The following MCCC2 variants were observed in gnomAD, a reference collection of about 807,000 sequenced individuals.
The protein encoded by MCCC2 is methylcrotonoyl-CoA carboxylase beta chain, mitochondrial.
Under a neutral mutation model 77.2 loss-of-function variants are expected in MCCC2, and 52 were observed. That is an observed-to-expected ratio of 0.67 (90% confidence interval 0.54 to 0.85). The LOEUF (loss-of-function observed/expected upper bound fraction) is 0.85. Among genes scored for constraint, MCCC2 ranks in the 40% least tolerant of loss-of-function variants. The pLI is 0.00. For synonymous variants in MCCC2, 253 were observed against 248.4 expected (o/e 1.02, Z -0.18); for missense variants, 682 against 703.2 (o/e 0.97, Z 0.34).
At chr5:71,607,654 T>G (rs1229754234) in intron 6 of MCCC2, among the ~76,000 whole-genome samples, 1 of 146,996 alleles carries the variant, frequency 6.8e-6, no homozygotes, top group African/African-American at 2.5e-5. Flanking sequence ...TTCTAGTTCT[T>G]TTAATTGTGA....
At position 71,652,762 on chromosome 5, in the gene MCCC2, C is replaced by G. The variant is rs1482690189; in HGVS notation, c.1574+8C>G. On this transcript the variant is annotated splice_region_variant and intron_variant, in intron 16 of 16. Transcript: ENST00000340941. The stretch of plus-strand genomic sequence containing the variant: ...TTACTATTCCAGCGCAAGGTGGGGG[C>G]CAGAACATCACTAACTCTCTGATGG... The G allele has an allele frequency of 6.2e-7, 1 of 1,611,912 alleles. No individual in the cohort carries two copies. The highest frequency in any genetic ancestry group is 8.5e-7 in the Non-Finnish European group (1 of 1,178,194).
At chr5:71,620,210 G>A (rs1324244606) in intron 6 of MCCC2, among the ~76,000 whole-genome samples, 1 of 152,172 alleles carries the variant, frequency 6.6e-6, no homozygotes, top group Admixed American at 6.6e-5. Flanking sequence ...TGATCAGTCA[G>A]TATAGTTGAT....
intron 11 of MCCC2, 85 bp downstream of exon 11, chr5:71,641,160 T>A (rs1747112283): frequency 8.3e-7 from 1 of 1,207,426 alleles, no homozygotes; most frequent in Non-Finnish European, 1.2e-6. Flanking sequence ...TTGATACACT[T>A]GACATGGGCT....
intron 15 of MCCC2, among the ~76,000 whole-genome samples, chr5:71,650,519 G>A (rs1171436344): frequency 1.3e-5 from 2 of 151,878 alleles, no homozygotes; most frequent in Non-Finnish European, 2.9e-5. Context: ...GGCTGGAGTG[G>A]AGTGCCGCAA....
At chr5:71,623,018 A>T (rs1746406143) in intron 6 of MCCC2, among the ~76,000 whole-genome samples, 2 of 152,184 alleles carry the variant, frequency 1.3e-5, no homozygotes, top group South Asian at 4.1e-4. Flanking sequence ...CTGTTCATGA[A>T]AAAAGAAAAA....
chr5:71,620,677 T>C (rs1273923540), intron 6 of MCCC2, among the ~76,000 whole-genome samples: 2 of 152,182 alleles, frequency 1.3e-5, no homozygotes, highest in Non-Finnish European at 2.9e-5. Flanking sequence ...GGTAATGAAA[T>C]TCAATCTAAA....
intron 6 of MCCC2, among the ~76,000 whole-genome samples, chr5:71,624,014 CAG>C (rs1177309361): frequency 6.6e-6 from 1 of 152,214 alleles, no homozygotes; most frequent in East Asian, 1.9e-4. Flanking sequence ...TCTTAAAAAA[CAG>C]ACATTTATTT....
chr5:71,640,259 T>C lies in MCCC2; in HGVS notation c.1000-744T>C, dbSNP rs538615920. ...ACAGTATGCTTTAGTTAGCACTTTATTTTTATTTTTTACTTTTTTATTTTT... is the reference window on the plus strand; with the variant it reads ...ACAGTATGCTTTAGTTAGCACTTTACTTTTATTTTTTACTTTTTTATTTTT... On this transcript the variant is annotated intron_variant, in intron 10 of 16. Transcript: ENST00000340941. 2.6e-5 allele frequency among the ~76,000 whole-genome samples: 4 copies of C among 152,298 alleles called. No homozygotes were observed. In the South Asian group the frequency reaches 8.3e-4, roughly 32 times the overall value.
intron 2 of MCCC2, among the ~76,000 whole-genome samples, chr5:71,593,462 C>T (rs1049841911): frequency 6.6e-6 from 1 of 152,004 alleles, no homozygotes; most frequent in African/African-American, 2.4e-5. Context: ...ATTACTTGGC[C>T]AGTTTTTCTC....
chr5:71,643,585 A>G (rs1747189563), intron 11 of MCCC2, among the ~76,000 whole-genome samples: 1 of 152,226 alleles, frequency 6.6e-6, no homozygotes, highest in African/African-American at 2.4e-5. Context: ...ATCAATCAAG[A>G]CAAATGGATA....
chr5:71,652,740 C>G lies in MCCC2; in HGVS notation c.1560C>G (p.Tyr520Ter). Reference protein sequence around the residue: ...IKKFEEEGNPYYSSARVWDDG... With the variant: ...IKKFEEEGNP ...AGTTTGAAGAGGAAGGAAACCCTTACTATTCCAGCGCAAGGTGGGGGCCAG... is the reference window on the plus strand; with the variant it reads ...AGTTTGAAGAGGAAGGAAACCCTTAGTATTCCAGCGCAAGGTGGGGGCCAG... Residue 520 changes from tyrosine to a stop codon, truncating the protein, a stop_gained, in exon 16 of 17, where the codon TAC becomes TAG. Coordinates refer to ENST00000340941, the MANE Select transcript of MCCC2 (RefSeq NM_022132.5). LOFTEE classifies it high-confidence loss of function. 6.2e-7 allele frequency: 1 copy of G among 1,614,172 alleles called. No homozygotes were observed. Among genetic ancestry groups the G allele is most frequent in the Non-Finnish European group, 8.5e-7 (1 of 1,180,024 alleles).
intron 1 of MCCC2, among the ~76,000 whole-genome samples, chr5:71,587,775 G>C (rs1229031969): frequency 1.3e-5 from 2 of 152,208 alleles, no homozygotes; most frequent in African/African-American, 4.8e-5. Context: ...GGTTCTTAAA[G>C]CCTGGTTTAG....
rs956480659 is a variant in MCCC2, at chr5:71,652,754, G to C, written c.1574G>C (p.Arg525Thr). 2 of 1,614,034 alleles carry C rather than the reference G, an allele frequency of 1.2e-6. No homozygotes were observed. Among genetic ancestry groups the C allele is most frequent in the Non-Finnish European group, 1.7e-6 (2 of 1,179,914 alleles). The stretch of plus-strand genomic sequence containing the variant: ...GGAAACCCTTACTATTCCAGCGCAA[G>C]GTGGGGGCCAGAACATCACTAACTC... ...EEGNPYYSSA[R>T]VWDDGIIDPA... Residue 525 changes from arginine (R) to threonine (T), a missense_variant and splice_region_variant, in exon 16 of 17, where the codon AGG becomes ACG. By Grantham distance (71) the Arg-to-Thr change is moderately conservative. Coordinates refer to ENST00000340941, the MANE Select transcript of MCCC2 (RefSeq NM_022132.5).
chr5:71,614,299 T>C (rs969601416), intron 6 of MCCC2, among the ~76,000 whole-genome samples: 5 of 152,174 alleles, frequency 3.3e-5, no homozygotes, highest in Non-Finnish European at 5.9e-5. Context: ...ATTTTAATAC[T>C]AACCTCTCCT....
chr5:71,619,586 G>A (rs1421780311), intron 6 of MCCC2, among the ~76,000 whole-genome samples: 1 of 151,420 alleles, frequency 6.6e-6, no homozygotes, highest in Non-Finnish European at 1.5e-5. Context: ...TATTTTTCGG[G>A]ACAGGTCTCT....
At chr5:71,606,077 T>C (rs953924136) in intron 6 of MCCC2, among the ~76,000 whole-genome samples, 1 of 152,178 alleles carries the variant, frequency 6.6e-6, no homozygotes, top group African/African-American at 2.4e-5. Flanking sequence ...TGGTTCCATG[T>C]GAACTTTAAA....
chr5:71,646,326 C>G (rs1221785958), intron 13 of MCCC2, 49 bp downstream of exon 13: 2 of 1,547,256 alleles, frequency 1.3e-6, no homozygotes, highest in African/African-American at 2.7e-5. Context: ...CAGAGCTGTA[C>G]CATCAGTGTG....
At chr5:71,626,595 T>C (rs370889614) in intron 6 of MCCC2, 45 bp from the exon 7 acceptor site, 9 of 1,425,936 alleles carry the variant, frequency 6.3e-6, no homozygotes, top group Non-Finnish European at 8.9e-6. Context: ...TAGAAGTCAC[T>C]GCATGAGCTG....
chr5:71,619,592 T>C (rs1042491689), intron 6 of MCCC2, among the ~76,000 whole-genome samples: 1 of 151,994 alleles, frequency 6.6e-6, no homozygotes, highest in Non-Finnish European at 1.5e-5. Context: ...TCGGGACAGG[T>C]CTCTTTATGT....
Sources: allele counts gnomAD v4.1 joint callset (sites outside exome capture counted in the v4.1 genomes callset), GRCh38; gene constraint gnomAD v4.1.1; transcripts MANE v1.5; gene names NCBI Gene and HGNC (gene_info 2026-07-23, HGNC 2026-07-21).